Variants in TTC6 observed in about 807,000 individuals in gnomAD.
TTC6 encodes the protein tetratricopeptide repeat protein 6.
TTC6 carries 172 observed loss-of-function variants against 210.4 expected under a neutral mutation model. The observed-to-expected ratio is 0.82, with a 90% CI of 0.72 to 0.93. TTC6 has a LOEUF of 0.93. Ranked by LOEUF, TTC6 falls within the 40% of genes least tolerant of loss-of-function variation. TTC6 has a pLI of 0.00. For synonymous variants in TTC6, 804 were observed against 819.6 expected, an observed-to-expected ratio of 0.98 and a Z score of 0.32; for missense variants, 2,414 against 2,318.1, an observed-to-expected ratio of 1.04 and a Z score of -0.85.
intron 14 of TTC6, among the ~76,000 whole-genome samples, chr14:37,770,932 C>T (rs565230845): frequency 6.7e-4 from 94 of 140,802 alleles, no homozygotes; most frequent in Non-Finnish European, 1.1e-3. Context: ...GATTTTGCAG[C>T]GGCTGGTACC....
At chr14:37,741,581 C>T (rs951326360) in intron 10 of TTC6, among the ~76,000 whole-genome samples, 10 of 152,128 alleles carry the variant, frequency 6.6e-5, no homozygotes, top group Admixed American at 2.6e-4. Context: ...TGAGGCACCG[C>T]GCCTGGCCTT....
At chr14:37,679,649 G>A (rs116263183) in intron 1 of TTC6, among the ~76,000 whole-genome samples, 1,612 of 151,936 alleles carry the variant, frequency 0.011, 39 homozygotes, top group African/African-American at 0.037. Context: ...AGAGATCAGC[G>A]AAAAGCCATG....
At position 37,598,496 on chromosome 14, in the gene TTC6, G is replaced by T. The variant is rs556014649; in HGVS notation, c.-235+2488G>T. Among the ~76,000 whole-genome samples the T allele has an allele frequency of 3.3e-5, 5 of 152,342 alleles. No individual in the cohort carries two copies. In the South Asian group the frequency reaches 8.3e-4, roughly 25 times the overall value. On this transcript the variant is annotated intron_variant, in intron 1 of 2. Transcript: ENST00000556845. The surrounding 1 kb of genome is among the most constrained non-coding windows in gnomAD (Gnocchi z 4.9). ...TACACCCGTGGGGCCTGCTCCCGGC[G>T]CAGTCCCGCAGTACCTGAGCGGCAC...
At chr14:37,614,464 C>G (rs2095639375) in intron 2 of TTC6, among the ~76,000 whole-genome samples, 1 of 152,082 alleles carries the variant, frequency 6.6e-6, no homozygotes, top group Non-Finnish European at 1.5e-5. Flanking sequence ...AATTTTCGTA[C>G]ATTATTTTTA....
In TTC6 at chr14:37,743,911, A is replaced by G. The variant is rs79526066; in HGVS notation, c.2363+4756A>G. On this transcript the variant is annotated intron_variant, in intron 10 of 30. Coordinates refer to ENST00000553443, the Ensembl canonical transcript of TTC6. ...CTGAGTAGGCAAATGTGGATGGGAC[A>G]TAGAACACAAGTGATACAACTGAAC... 9.2e-3 allele frequency among the ~76,000 whole-genome samples: 1,401 copies of G among 152,324 alleles called. 12 individuals are homozygous for G. The highest frequency in any genetic ancestry group is 0.055 in the East Asian group (286 of 5,190).
At chr14:37,616,739 CAAA>C (rs11416796) in intron 2 of TTC6, among the ~76,000 whole-genome samples, 5 of 98,248 alleles carry the variant, frequency 5.1e-5, no homozygotes, top group Non-Finnish European at 4.1e-5. Context: ...TACTCCATCT[CAAA>C]AAAAAAAAAA....
chr14:37,645,624 A>T (rs2095700191), intron 1 of TTC6, among the ~76,000 whole-genome samples: 1 of 152,216 alleles, frequency 6.6e-6, no homozygotes, highest in Non-Finnish European at 1.5e-5. Context: ...GAAGGAAGTA[A>T]GGGAACAAGC....
rs552743341 is a variant in TTC6, at chr14:37,841,745, T to C, written c.5524+75T>C. 14 of 1,126,312 alleles carry C rather than the reference T, an allele frequency of 1.2e-5. No individual in the cohort carries two copies. In the South Asian group the frequency reaches 1.7e-4, roughly 14 times the overall value. 69.8% of individuals were successfully genotyped at this position (1,126,312 alleles called of 1,614,324 possible). ...ATTTTTAGGCTACAAAAGAAGAAAA[T>C]CATTAGGTCTATTTATTTAGATAAA... On this transcript the variant is annotated intron_variant, in intron 30 of 30. Coordinates refer to ENST00000553443, the Ensembl canonical transcript of TTC6.
chr14:37,624,952 C>G (rs932072697), intron 1 of TTC6, among the ~76,000 whole-genome samples: 1 of 152,026 alleles, frequency 6.6e-6, no homozygotes, highest in Non-Finnish European at 1.5e-5. Flanking sequence ...GGCATTTCTC[C>G]TACATATTGT....
At chr14:37,754,742 T>C (rs1313779127) in intron 14 of TTC6, among the ~76,000 whole-genome samples, 1 of 152,112 alleles carries the variant, frequency 6.6e-6, no homozygotes, top group Non-Finnish European at 1.5e-5. Context: ...CTGGACTCCT[T>C]CTTTTTTATG....
At chr14:37,806,933 T>C (rs1387585808) in intron 22 of TTC6, among the ~76,000 whole-genome samples, 1 of 152,140 alleles carries the variant, frequency 6.6e-6, no homozygotes, top group Non-Finnish European at 1.5e-5. Context: ...GTTAAATTAT[T>C]TTAGGAAATT....
chr14:37,605,081 T>G (rs1594997302), intron 1 of TTC6, among the ~76,000 whole-genome samples: 1 of 152,222 alleles, frequency 6.6e-6, no homozygotes, highest in African/African-American at 2.4e-5. Flanking sequence ...GAAAGCTTAG[T>G]GGGATGCTAA....
intron 1 of TTC6, among the ~76,000 whole-genome samples, chr14:37,629,003 TG>T (rs1234418112): frequency 6.6e-6 from 1 of 152,132 alleles, no homozygotes; most frequent in East Asian, 1.9e-4. Context: ...GTTTTGGTTA[TG>T]GTAGCTGTGT....
intron 26 of TTC6, among the ~76,000 whole-genome samples, chr14:37,818,736 C>T (rs2096148394): frequency 6.6e-6 from 1 of 151,986 alleles, no homozygotes. Flanking sequence ...GGTCTCAGAC[C>T]TTTCATTTTG....
At chr14:37,766,621 T>G (rs1957582) in intron 14 of TTC6, among the ~76,000 whole-genome samples, 42,255 of 151,984 alleles carry the variant, frequency 0.28, 5,880 homozygotes, top group Middle Eastern at 0.3. Context: ...TTGATGGGCA[T>G]TTAGATTGAT....
At chr14:37,670,625 C>T (rs1005580777) in intron 1 of TTC6, among the ~76,000 whole-genome samples, 2 of 151,872 alleles carry the variant, frequency 1.3e-5, no homozygotes, top group African/African-American at 2.4e-5. Context: ...CATCCACCAT[C>T]ATGCCCGGCT....
chr14:37,725,312 G>GTGTGCA (rs1318506400), intron 7 of TTC6, among the ~76,000 whole-genome samples: 1 of 33,914 alleles, frequency 2.9e-5, no homozygotes, highest in African/African-American at 1.0e-4. Context: ...GTGTGTGTGT[G>GTGTGCA]TATATATATA....
exon 1 of TTC6, chr14:37,622,194 C>G: frequency 6.5e-7 from 1 of 1,535,554 alleles, no homozygotes; most frequent in Non-Finnish European, 8.7e-7. Flanking sequence ...GGCCTCCAAG[C>G]CGGCTGTAGA....
intron 29 of TTC6, among the ~76,000 whole-genome samples, chr14:37,838,141 T>C (rs1370125255): frequency 1.3e-5 from 2 of 152,128 alleles, no homozygotes; most frequent in African/African-American, 4.8e-5. Flanking sequence ...AAGGTAGGTT[T>C]TAAAGTAGGA....
Sources: gnomAD v4.1 joint callset for allele counts (sites outside exome capture counted in the v4.1 genomes callset) on GRCh38, gnomAD v4.1.1 for gene constraint, Gnocchi (gnomAD v3.1) non-coding constraint, MANE v1.5 for transcripts, NCBI Gene and HGNC (gene_info 2026-07-23, HGNC 2026-07-21) for gene names.